JPH3: variants seen among roughly 807,000 people sequenced by gnomAD.
JPH3 encodes the protein junctophilin-3.
A neutral mutation model predicts 59.6 loss-of-function variants in JPH3; 11 were observed. The observed-to-expected ratio is 0.18, with a 90% CI of 0.12 to 0.31. The LOEUF is 0.31. Ranked by LOEUF, JPH3 falls within the 10% of genes least tolerant of loss-of-function variation. JPH3 has a pLI of 1.00. For missense variants in JPH3, 1,202 were observed against 1,105.7 expected (o/e 1.09, Z -1.24); for synonymous variants, 673 against 483.6 (o/e 1.39, Z -5.14).
intron 1 of JPH3, among the ~76,000 whole-genome samples, chr16:87,640,387 T>G (rs1356941454): frequency 6.6e-6 from 1 of 151,824 alleles, no homozygotes; most frequent in Non-Finnish European, 1.5e-5. Context: ...ATGCTTTTTA[T>G]TTTTATTTAT....
chr16:87,686,182 G>A lies in JPH3; in HGVS notation c.1285+1916G>A, dbSNP rs541980832. Among the ~76,000 whole-genome samples, 29 of 152,278 alleles carry A rather than the reference G, an allele frequency of 1.9e-4. No homozygotes were observed. The South Asian group carries it at 3.9e-3, about 21-fold the overall frequency. On this transcript the variant is annotated intron_variant, in intron 3 of 4. Coordinates refer to ENST00000284262, the MANE Select transcript of JPH3 (RefSeq NM_020655.4). ...TTTGGGTGTTTCTACCCCCACCCCC[G>A]CGTGGTGCTTTACTGCTCCAGTCCC...
At chr16:87,608,019 G>T (rs556490455) in intron 1 of JPH3, among the ~76,000 whole-genome samples, 1 of 152,260 alleles carries the variant, frequency 6.6e-6, no homozygotes, top group Non-Finnish European at 1.5e-5. Context: ...CCCTACCCAC[G>T]TTGGCCGTGA....
chr16:87,603,647 GC>G, intron 1 of JPH3, 119 bp downstream of exon 1: 3 of 1,278,822 alleles, frequency 2.3e-6, no homozygotes, highest in Non-Finnish European at 3.2e-6. Flanking sequence ...GGCACCAGGG[GC>G]CTTTCCCGGG....
At chr16:87,665,918 G>A (rs2032846242) in intron 2 of JPH3, among the ~76,000 whole-genome samples, 1 of 152,156 alleles carries the variant, frequency 6.6e-6, no homozygotes, top group Non-Finnish European at 1.5e-5. Flanking sequence ...TGCCCCCCAG[G>A]TAGCTGGCTG....
intron 2 of JPH3, among the ~76,000 whole-genome samples, chr16:87,650,867 C>T (rs1278461669): frequency 1.3e-5 from 2 of 152,212 alleles, no homozygotes; most frequent in African/African-American, 2.4e-5. Context: ...GGTGAGGGAG[C>T]AGGTTACCCA....
At chr16:87,638,855 C>G (rs1001066732) in intron 1 of JPH3, among the ~76,000 whole-genome samples, 2 of 152,134 alleles carry the variant, frequency 1.3e-5, no homozygotes, top group East Asian at 3.9e-4. Flanking sequence ...GCGTCACCCT[C>G]TATCCAAGGG....
chr16:87,680,341 G>A (rs376905878), intron 2 of JPH3, among the ~76,000 whole-genome samples: 47 of 80,338 alleles, frequency 5.9e-4, no homozygotes, highest in African/African-American at 1.5e-3. Context: ...GGGCTGCGGC[G>A]TGTGGAGGGG....
At chr16:87,621,839 C>G (rs977159411) in intron 1 of JPH3, among the ~76,000 whole-genome samples, 1 of 152,190 alleles carries the variant, frequency 6.6e-6, no homozygotes. Flanking sequence ...GGGGGCGATT[C>G]TCCTGTGGGT....
At chr16:87,633,070 C>T (rs376091525) in intron 1 of JPH3, among the ~76,000 whole-genome samples, 5 of 152,122 alleles carry the variant, frequency 3.3e-5, no homozygotes, top group Admixed American at 6.5e-5. Flanking sequence ...TTAATCACCT[C>T]GCTAGAGACT....
At chr16:87,657,190 TAATA>T (rs1300407697) in intron 2 of JPH3, among the ~76,000 whole-genome samples, 9 of 151,812 alleles carry the variant, frequency 5.9e-5, no homozygotes, top group Non-Finnish European at 8.8e-5. Flanking sequence ...CAAGCAACAG[TAATA>T]AATAAAAAGG....
intron 2 of JPH3, among the ~76,000 whole-genome samples, chr16:87,650,626 C>T (rs972288370): frequency 6.6e-6 from 1 of 152,172 alleles, no homozygotes; most frequent in Non-Finnish European, 1.5e-5. Context: ...AAGTGTTACT[C>T]CAGTGAATAC....
chr16:87,655,892 G>A (rs1467043295), intron 2 of JPH3, among the ~76,000 whole-genome samples: 1 of 152,156 alleles, frequency 6.6e-6, no homozygotes, highest in East Asian at 1.9e-4. Context: ...TCCGCTCAGG[G>A]GTCTCACTTG....
intron 1 of JPH3, among the ~76,000 whole-genome samples, chr16:87,608,013 A>G (rs2150820734): frequency 6.6e-6 from 1 of 152,360 alleles, no homozygotes; most frequent in East Asian, 1.9e-4. Flanking sequence ...GGGCACCCCT[A>G]CCCACGTTGG....
chr16:87,695,697 G>A (rs1436754775), intron 4 of JPH3: 6 of 450,258 alleles, frequency 1.3e-5, no homozygotes, highest in South Asian at 4.7e-5. Context: ...CTGCCGTCCT[G>A]GGAGCTTCCC....
In JPH3 at chr16:87,613,964, G is replaced by A. The variant is rs761261721; in HGVS notation, c.382+10436G>A. ...TTCTGGCCGCAGAATTGTTTCCGGC[G>A]CTCCGAGATGCCTTTCTTGATGGAG... is the stretch of plus-strand genomic sequence containing the variant. On this transcript the variant is annotated intron_variant, in intron 1 of 4. Transcript: ENST00000284262. 2.6e-4 allele frequency among the ~76,000 whole-genome samples: 40 copies of A among 152,216 alleles called. No homozygotes were observed. The East Asian group carries it at 6.4e-3, about 24-fold the overall frequency.
chr16:87,613,070 A>G (rs2030791537), intron 1 of JPH3, among the ~76,000 whole-genome samples: 1 of 149,078 alleles, frequency 6.7e-6, no homozygotes, highest in Non-Finnish European at 1.5e-5. Context: ...TTTTCCAAGC[A>G]CAATACCTAC....
At chr16:87,655,508 C>A (rs572569952) in intron 2 of JPH3, among the ~76,000 whole-genome samples, 1 of 152,270 alleles carries the variant, frequency 6.6e-6, no homozygotes, top group East Asian at 1.9e-4. Flanking sequence ...CGTGCACCAC[C>A]ACGCCCAGCT....
chr16:87,650,405 T>C (rs1373927732), intron 2 of JPH3, among the ~76,000 whole-genome samples: 1 of 152,192 alleles, frequency 6.6e-6, no homozygotes, highest in African/African-American at 2.4e-5. Context: ...CCCTATTCCC[T>C]GAGACACAAC....
At chr16:87,634,277 AGGGGTCTGTTCCGGGGCATCCTG>A (rs2079267751) in intron 1 of JPH3, among the ~76,000 whole-genome samples, 1 of 152,112 alleles carries the variant, frequency 6.6e-6, no homozygotes, top group South Asian at 2.1e-4. Flanking sequence ...CCCCAAAGAC[AGGGGTCTGTTCCGGGGCATCCTG>A]GGCAGAGAGT....
Sources: allele counts gnomAD v4.1 joint callset (sites outside exome capture counted in the v4.1 genomes callset), GRCh38; gene constraint gnomAD v4.1.1; transcripts MANE v1.5; gene names NCBI Gene and HGNC (gene_info 2026-07-23, HGNC 2026-07-21).